HLCS: variants seen among roughly 807,000 people sequenced by gnomAD.
The protein encoded by HLCS is holocarboxylase synthetase, also known as biotin--protein ligase.
HLCS carries 53 observed loss-of-function variants against 75.0 expected under a neutral mutation model. The observed-to-expected ratio is 0.71, with a 90% CI of 0.57 to 0.89. The LOEUF (loss-of-function observed/expected upper bound fraction) is 0.89, where lower values mean the gene tolerates loss of function less well. Ranked by LOEUF, HLCS falls within the 40% of genes least tolerant of loss-of-function variation. The probability of loss-of-function intolerance (pLI) is 0.00; values close to 1 mark genes in which losing one functional copy is unlikely to be tolerated. For missense variants in HLCS, 966 were observed against 1,074.0 expected, an observed-to-expected ratio of 0.90 and a Z score of 1.41; for synonymous variants, 431 against 428.6, an observed-to-expected ratio of 1.01 and a Z score of -0.07.
intron 7 of HLCS, among the ~76,000 whole-genome samples, chr21:36,766,199 T>A (rs114194781): frequency 0.012 from 1,884 of 151,976 alleles, 38 homozygotes; most frequent in African/African-American, 0.044. Flanking sequence ...GATTTTTGTA[T>A]TTTTTTTAAG....
chr21:36,867,665 C>G (rs1426158081), intron 6 of HLCS, among the ~76,000 whole-genome samples: 2 of 152,194 alleles, frequency 1.3e-5, no homozygotes, highest in Non-Finnish European at 2.9e-5. Flanking sequence ...ACGGCAGAGC[C>G]CCTGTCAGCC....
chr21:36,880,511 T>C (rs1229630736), intron 6 of HLCS, among the ~76,000 whole-genome samples: 1 of 152,086 alleles, frequency 6.6e-6, no homozygotes, highest in Admixed American at 6.6e-5. Flanking sequence ...AAAAAAATCA[T>C]ATTACATTTC....
intron 6 of HLCS, among the ~76,000 whole-genome samples, chr21:36,854,484 G>A (rs2063118750): frequency 6.6e-6 from 1 of 152,152 alleles, no homozygotes; most frequent in African/African-American, 2.4e-5. Flanking sequence ...GATCCTTGGA[G>A]CTCTGCAGGG....
At chr21:36,893,404 A>G (rs2146321029) in intron 6 of HLCS, among the ~76,000 whole-genome samples, 1 of 152,310 alleles carries the variant, frequency 6.6e-6, no homozygotes, top group East Asian at 1.9e-4. Flanking sequence ...ATTCAGAAAC[A>G]GGAACAATTC....
chr21:36,846,104 A>G (rs2062789045), intron 6 of HLCS, among the ~76,000 whole-genome samples: 1 of 152,184 alleles, frequency 6.6e-6, no homozygotes, highest in South Asian at 2.1e-4. Context: ...CACAGTAGGT[A>G]CTCCATAAAT....
At chr21:36,769,883 C>G (rs368148195) in intron 6 of HLCS, among the ~76,000 whole-genome samples, 1 of 152,164 alleles carries the variant, frequency 6.6e-6, no homozygotes, top group Non-Finnish European at 1.5e-5. Context: ...TGAACAAAAA[C>G]GTAAATTCAG....
Position 36,794,488 on chromosome 21 carries a change from G to C in HLCS, c.1893-27203C>G, listed in dbSNP as rs537209351. On this transcript the variant is annotated intron_variant, in intron 6 of 10. Coordinates refer to ENST00000674895, the MANE Select transcript of HLCS (RefSeq NM_001352514.2). The stretch of plus-strand genomic sequence containing the variant: ...CAAAGGCCCTCAGTGGGATTGGAGA[G>C]GAACAAAAAGGTGACCGACGTGGCT... Among the ~76,000 whole-genome samples the C allele has an allele frequency of 2.6e-5, 4 of 151,648 alleles. No homozygotes were observed. The South Asian group carries it at 6.2e-4, about 24-fold the overall frequency.
chr21:36,919,913 AT>A (rs568142125), intron 5 of HLCS, among the ~76,000 whole-genome samples: 9 of 152,204 alleles, frequency 5.9e-5, no homozygotes, highest in South Asian at 2.1e-4. Flanking sequence ...GTTAAAAAAA[AT>A]TTTTTTTAGT....
rs767929907 is a variant in HLCS, at chr21:36,756,798, C to T, written c.2237-43G>A. On this transcript the variant is annotated intron_variant, in intron 9 of 10. Coordinates refer to ENST00000674895, the MANE Select transcript of HLCS (RefSeq NM_001352514.2). Reference sequence around the variant, plus strand: ...ATTGAGCAGCTCAGCCTGTTGATGGCATCACACATTCCTCTCTGCCACATG... The same window carrying T: ...ATTGAGCAGCTCAGCCTGTTGATGGTATCACACATTCCTCTCTGCCACATG... 5.0e-6 allele frequency: 8 copies of T among 1,612,906 alleles called. No individual in the cohort carries two copies. The East Asian group carries it at 8.9e-5, about 18-fold the overall frequency.
At position 36,870,500 on chromosome 21, in the gene HLCS, G is replaced by T. The variant is rs959174892; in HGVS notation, c.1892+26360C>A. Among the ~76,000 whole-genome samples, 9 of 152,038 alleles carry T rather than the reference G, an allele frequency of 5.9e-5. No homozygotes were observed. The East Asian group carries it at 1.7e-3, about 29-fold the overall frequency. On this transcript the variant is annotated intron_variant, in intron 6 of 10. Coordinates refer to ENST00000674895, the MANE Select transcript of HLCS (RefSeq NM_001352514.2). ...ATATAATTATTAATTTTAAAACTAG[G>T]TTATCAATAAATAGACCTATATTTC...
chr21:36,903,014 G>A (rs940285266), intron 5 of HLCS, among the ~76,000 whole-genome samples: 1 of 152,054 alleles, frequency 6.6e-6, no homozygotes, highest in Non-Finnish European at 1.5e-5. Context: ...TGAGAGGAAT[G>A]CCCCAGGACC....
intron 6 of HLCS, among the ~76,000 whole-genome samples, chr21:36,841,468 C>T (rs1352250258): frequency 6.6e-6 from 1 of 152,214 alleles, no homozygotes; most frequent in Non-Finnish European, 1.5e-5. Context: ...GGACGATGGC[C>T]TCTGCCACGT....
At chr21:36,774,353 C>T (rs2060295150) in intron 6 of HLCS, among the ~76,000 whole-genome samples, 1 of 152,102 alleles carries the variant, frequency 6.6e-6, no homozygotes, top group African/African-American at 2.4e-5. Flanking sequence ...GATCTGGACT[C>T]GAATCCCAGT....
intron 6 of HLCS, among the ~76,000 whole-genome samples, chr21:36,845,470 C>T (rs974944778): frequency 3.9e-5 from 6 of 152,100 alleles, no homozygotes; most frequent in South Asian, 4.1e-4. Context: ...TTTCATGAAC[C>T]GTAAATACAA....
At chr21:36,947,103 G>C (rs12627541) in intron 2 of HLCS, among the ~76,000 whole-genome samples, 74,585 of 151,922 alleles carry the variant, frequency 0.49, 19,781 homozygotes, top group East Asian at 0.64. Context: ...GAGGAGAACC[G>C]CTCAGCCAAT....
chr21:36,948,476 C>A (rs1036101743), intron 2 of HLCS, among the ~76,000 whole-genome samples: 143 of 151,918 alleles, frequency 9.4e-4, no homozygotes, highest in African/African-American at 3.3e-3. Flanking sequence ...TGCCTGTAAT[C>A]CCAGCACTTG....
At chr21:36,788,823 T>C (rs2060774392) in intron 6 of HLCS, among the ~76,000 whole-genome samples, 1 of 152,212 alleles carries the variant, frequency 6.6e-6, no homozygotes, top group Non-Finnish European at 1.5e-5. Flanking sequence ...CAGAGCTCTT[T>C]AATTGCTAGT....
chr21:36,904,581 C>T (rs1292654983), intron 5 of HLCS, among the ~76,000 whole-genome samples: 1 of 152,162 alleles, frequency 6.6e-6, no homozygotes, highest in African/African-American at 2.4e-5. Flanking sequence ...TTTATATTCA[C>T]TATAGTCAAA....
intron 5 of HLCS, among the ~76,000 whole-genome samples, chr21:36,904,374 C>T (rs2065362331): frequency 6.6e-6 from 1 of 152,136 alleles, no homozygotes; most frequent in South Asian, 2.1e-4. Flanking sequence ...AATACTTAGA[C>T]ACGTACAAAT....
Sources: allele counts gnomAD v4.1 joint callset (sites outside exome capture counted in the v4.1 genomes callset), GRCh38; gene constraint gnomAD v4.1.1; transcripts MANE v1.5; gene names NCBI Gene and HGNC (gene_info 2026-07-23, HGNC 2026-07-21).